The following UNC13B variants were observed in gnomAD, a reference collection of about 807,000 sequenced individuals.
UNC13B encodes unc-13 homolog B, also known as protein unc-13 homolog B.
A neutral mutation model predicts 211.0 loss-of-function variants in UNC13B; 144 were observed. The ratio of observed to expected loss-of-function variants is 0.68; its 90% CI spans 0.60 to 0.78. UNC13B has a LOEUF of 0.78. Among genes scored for constraint, UNC13B ranks in the 30% least tolerant of loss-of-function variants. The probability of loss-of-function intolerance (pLI) is 0.00; values close to 1 mark genes in which losing one functional copy is unlikely to be tolerated. For synonymous variants in UNC13B, 709 were observed against 725.8 expected (o/e 0.98, Z 0.37); for missense variants, 1,777 against 2,002.0 (o/e 0.89, Z 2.14).
At chr9:35,202,716 A>C (rs914252626) in intron 1 of UNC13B, among the ~76,000 whole-genome samples, 1 of 149,998 alleles carries the variant, frequency 6.7e-6, no homozygotes, top group Non-Finnish European at 1.5e-5. Flanking sequence ...ATCTTCCTCC[A>C]TCCCTTTATT....
intron 3 of UNC13B, among the ~76,000 whole-genome samples, chr9:35,233,947 T>G (rs144595738): frequency 1.3e-5 from 2 of 152,268 alleles, no homozygotes; most frequent in Non-Finnish European, 2.9e-5. Context: ...GAATATATAC[T>G]CATTGTTTGG....
At chr9:35,167,327 C>G (rs1264902672) in intron 1 of UNC13B, among the ~76,000 whole-genome samples, 1 of 152,082 alleles carries the variant, frequency 6.6e-6, no homozygotes, top group African/African-American at 2.4e-5. Flanking sequence ...CCTGCCTTGG[C>G]CTTGCAAAGT....
intron 1 of UNC13B, among the ~76,000 whole-genome samples, chr9:35,211,348 C>T (rs982580589): frequency 4.6e-5 from 7 of 151,724 alleles, no homozygotes; most frequent in African/African-American, 1.7e-4. Flanking sequence ...TACTTTTTAT[C>T]GTGTGTGTGT....
At chr9:35,243,480 T>A in intron 6 of UNC13B, 116 bp downstream of exon 6, 1 of 1,082,292 alleles carries the variant, frequency 9.2e-7, no homozygotes, top group Non-Finnish European at 1.4e-6. Flanking sequence ...ATCACTTAAA[T>A]TGCATTGAAG....
In UNC13B at chr9:35,183,804, C is replaced by T. The variant is rs10120995; in HGVS notation, c.22+21499C>T. ...GCAGAGGCGCTCCTCACATCCCAGACGATGGGCGGCCGGGCAGAGGCGCTC... is the reference window on the plus strand; with the variant it reads ...GCAGAGGCGCTCCTCACATCCCAGATGATGGGCGGCCGGGCAGAGGCGCTC... On this transcript the variant is annotated intron_variant, in intron 1 of 39. Transcript: ENST00000635942. Among the ~76,000 whole-genome samples the T allele has an allele frequency of 1.2e-3, 140 of 119,984 alleles. 1 individual carries two copies. The highest frequency in any genetic ancestry group is 1.4e-3 in the Non-Finnish European group (83 of 57,754). The allele number at this position is 119,984 out of a possible 152,430, so 78.7% of individuals were successfully genotyped here.
chr9:35,226,278 T>G (rs2131479305), intron 1 of UNC13B, among the ~76,000 whole-genome samples: 1 of 152,256 alleles, frequency 6.6e-6, no homozygotes, highest in East Asian at 1.9e-4. Flanking sequence ...ACTGCCTTGG[T>G]AGATTGCAAG....
intron 10 of UNC13B, among the ~76,000 whole-genome samples, chr9:35,312,151 G>T (rs1240267944): frequency 6.6e-6 from 1 of 152,090 alleles, no homozygotes; most frequent in Non-Finnish European, 1.5e-5. Context: ...GAGTGATAAG[G>T]GATGGGTGTG....
intron 1 of UNC13B, among the ~76,000 whole-genome samples, chr9:35,181,271 C>T (rs1821923575): frequency 6.6e-6 from 1 of 151,756 alleles, no homozygotes; most frequent in South Asian, 2.1e-4. Flanking sequence ...CTTTGTTTTT[C>T]TATGTTTCAT....
intron 12 of UNC13B, among the ~76,000 whole-genome samples, chr9:35,369,902 CTG>C (rs1183484292): frequency 6.6e-6 from 1 of 152,212 alleles, no homozygotes; most frequent in Non-Finnish European, 1.5e-5. Context: ...TAGAGCCACC[CTG>C]TGGGTTCTGT....
chr9:35,270,859 G>A (rs539976215), intron 7 of UNC13B, among the ~76,000 whole-genome samples: 13 of 152,072 alleles, frequency 8.5e-5, no homozygotes, highest in African/African-American at 1.9e-4. Context: ...AGGCATTTTC[G>A]GCCAGGCACG....
In UNC13B at chr9:35,337,886, C is replaced by T. The variant is rs374731566; in HGVS notation, c.9414+23897C>T. Among the ~76,000 whole-genome samples the T allele has an allele frequency of 1.0e-3, 159 of 152,188 alleles. 2 individuals are homozygous for T. The highest frequency in any genetic ancestry group is 3.7e-3 in the African/African-American group (154 of 41,504). On this transcript the variant is annotated intron_variant, in intron 11 of 39. Coordinates refer to ENST00000635942, the MANE Select transcript of UNC13B (RefSeq NM_001371189.2). Reference sequence around the variant, plus strand: ...GAGGGGATATTTGATCAATATTAACCCAGTTAGTCTCCACTTAGTACAAGA... The same window carrying T: ...GAGGGGATATTTGATCAATATTAACTCAGTTAGTCTCCACTTAGTACAAGA...
chr9:35,197,365 A>T (rs773582353), intron 1 of UNC13B, among the ~76,000 whole-genome samples: 146 of 151,468 alleles, frequency 9.6e-4, no homozygotes, highest in South Asian at 1.5e-3. Flanking sequence ...GTGCCCCCAC[A>T]CCCGGCTAGT....
intron 11 of UNC13B, among the ~76,000 whole-genome samples, chr9:35,316,363 T>C (rs1309614136): frequency 6.6e-6 from 1 of 152,222 alleles, no homozygotes; most frequent in African/African-American, 2.4e-5. Context: ...ATTTTGGTGC[T>C]CAAATCGTTC....
chr9:35,253,935 G>A (rs986486436), intron 6 of UNC13B, among the ~76,000 whole-genome samples: 1 of 152,118 alleles, frequency 6.6e-6, no homozygotes, highest in African/African-American at 2.4e-5. Context: ...CTGTTTCACT[G>A]TTTCCTTACT....
chr9:35,255,134 C>T (rs1313097763), intron 6 of UNC13B, among the ~76,000 whole-genome samples: 1 of 139,838 alleles, frequency 7.2e-6, no homozygotes, highest in Non-Finnish European at 1.5e-5. Context: ...TACTCTTTCA[C>T]CCAGGCTGGA....
intron 1 of UNC13B, among the ~76,000 whole-genome samples, chr9:35,189,385 G>C (rs1307146362): frequency 6.6e-6 from 1 of 152,160 alleles, no homozygotes; most frequent in Non-Finnish European, 1.5e-5. Flanking sequence ...ACGTGTCCCA[G>C]GCCTTACCTA....
chr9:35,273,433 A>G (rs1828003463), intron 7 of UNC13B, among the ~76,000 whole-genome samples: 1 of 152,180 alleles, frequency 6.6e-6, no homozygotes, highest in African/African-American at 2.4e-5. Flanking sequence ...GTAGGTTTTC[A>G]ATGCTTTCCA....
chr9:35,310,896 AAC>A (rs1830153599), intron 10 of UNC13B, 115 bp downstream of exon 10: 2 of 967,050 alleles, frequency 2.1e-6, no homozygotes, highest in Admixed American at 5.3e-5. Context: ...GGTGGTAGTT[AAC>A]ACCTCCAGGC....
intron 22 of UNC13B, chr9:35,384,719 G>A (rs940941512): frequency 1.8e-5 from 18 of 985,270 alleles, no homozygotes; most frequent in Non-Finnish European, 2.0e-5. Context: ...ATCTGGCTAG[G>A]GGACAGAGAG....
Sources: allele counts gnomAD v4.1 joint callset (sites outside exome capture counted in the v4.1 genomes callset), GRCh38; gene constraint gnomAD v4.1.1; transcripts MANE v1.5; gene names NCBI Gene and HGNC (gene_info 2026-07-23, HGNC 2026-07-21).